The following LHPP variants were observed in gnomAD, a reference collection of about 807,000 sequenced individuals.
LHPP encodes hLHPP.
A neutral mutation model predicts 30.3 loss-of-function variants in LHPP; 24 were observed. The ratio of observed to expected loss-of-function variants is 0.79; its 90% CI spans 0.57 to 1.11. LHPP has a LOEUF of 1.11. Among genes scored for constraint, LHPP ranks in the 50% most tolerant of loss-of-function variants. The pLI, the probability that LHPP is intolerant of heterozygous loss-of-function variation, is 0.00. For missense variants in LHPP, 356 were observed against 367.2 expected, an observed-to-expected ratio of 0.97 and a Z score of 0.25; for synonymous variants, 150 against 157.1, an observed-to-expected ratio of 0.95 and a Z score of 0.34.
intron 6 of LHPP, among the ~76,000 whole-genome samples, chr10:124,609,442 C>T (rs1259941503): frequency 6.6e-6 from 1 of 152,172 alleles, no homozygotes; most frequent in African/African-American, 2.4e-5. Context: ...TAGGGTTTCA[C>T]CATGTTGCCC....
intron 6 of LHPP, among the ~76,000 whole-genome samples, chr10:124,544,755 C>T (rs1955292297): frequency 6.6e-6 from 1 of 152,236 alleles, no homozygotes; most frequent in Non-Finnish European, 1.5e-5. Flanking sequence ...CTGCCCCCGT[C>T]ACGGGACCTC....
At chr10:124,547,314 T>A (rs148145373) in intron 6 of LHPP, among the ~76,000 whole-genome samples, 120 of 152,332 alleles carry the variant, frequency 7.9e-4, no homozygotes, top group African/African-American at 2.6e-3. Context: ...ACAAAAAAAA[T>A]TGCTTTCTTA....
At chr10:124,528,195 A>G (rs1439578448) in intron 6 of LHPP, among the ~76,000 whole-genome samples, 2 of 152,118 alleles carry the variant, frequency 1.3e-5, no homozygotes, top group Non-Finnish European at 2.9e-5. Context: ...CCCGTATGGC[A>G]TATTTCCCTA....
At chr10:124,534,721 C>T (rs979432878) in intron 6 of LHPP, among the ~76,000 whole-genome samples, 3 of 152,162 alleles carry the variant, frequency 2.0e-5, no homozygotes, top group Non-Finnish European at 4.4e-5. Context: ...TATGCGCTCT[C>T]GGGGCTTCGG....
At chr10:124,531,244 G>T (rs1477269821) in intron 6 of LHPP, among the ~76,000 whole-genome samples, 1 of 152,172 alleles carries the variant, frequency 6.6e-6, no homozygotes, top group Non-Finnish European at 1.5e-5. Flanking sequence ...CCGTCTCAAG[G>T]TCATGTGCTA....
intron 5 of LHPP, among the ~76,000 whole-genome samples, chr10:124,516,757 T>C (rs1954464838): frequency 6.6e-6 from 1 of 152,192 alleles, no homozygotes; most frequent in Admixed American, 6.5e-5. Context: ...GCAAAACCTA[T>C]ATAAAGCAAA....
intron 5 of LHPP, among the ~76,000 whole-genome samples, chr10:124,505,816 C>G (rs566718045): frequency 6.6e-6 from 1 of 152,254 alleles, no homozygotes; most frequent in South Asian, 2.1e-4. Flanking sequence ...TGAGACTGTT[C>G]AAACCAGAGC....
At position 124,471,238 on chromosome 10, in the gene LHPP, G is replaced by T. The variant is rs528447450; in HGVS notation, c.125+9251G>T. ...TGCCCCATCACTCTTGAATGCCACC[G>T]CCCCACCATTGCCCAAGGCATGTGT... On this transcript the variant is annotated intron_variant, in intron 1 of 6. Coordinates refer to ENST00000368842, the MANE Select transcript of LHPP (RefSeq NM_022126.4). Among the ~76,000 whole-genome samples, 92 of 150,790 alleles carry T rather than the reference G, an allele frequency of 6.1e-4. 1 individual carries two copies. The highest frequency in any genetic ancestry group is 2.1e-3 in the African/African-American group (85 of 41,038).
At position 124,590,158 on chromosome 10, in the gene LHPP, GTC is replaced by G. The variant is rs775757554; in HGVS notation, c.717-23095_717-23094del. 1.6e-4 allele frequency among the ~76,000 whole-genome samples: 24 copies of G among 152,134 alleles called. No homozygotes were observed. The highest frequency in any genetic ancestry group is 2.8e-4 in the Non-Finnish European group (19 of 67,996). On this transcript the variant is annotated intron_variant, in intron 6 of 6. Transcript: ENST00000368842. The surrounding 1 kb of genome is among the most constrained non-coding windows in gnomAD (Gnocchi z 4.3). ...TGACGTCCTCCCTCTCCCAATCCCT[GTC>G]TCTCTCTCTCCTTCCACAGCCACAT...
intron 6 of LHPP, among the ~76,000 whole-genome samples, chr10:124,555,972 C>T (rs936027948): frequency 6.6e-6 from 1 of 152,142 alleles, no homozygotes; most frequent in Non-Finnish European, 1.5e-5. Flanking sequence ...AGGCTGGGCC[C>T]TAGCTGGTTG....
intron 6 of LHPP, among the ~76,000 whole-genome samples, chr10:124,534,601 G>A (rs560923616): frequency 5.5e-4 from 84 of 152,354 alleles, no homozygotes; most frequent in Non-Finnish European, 1.0e-3. Context: ...CTGTAAAAGC[G>A]GATCACGTGA....
Position 124,517,542 on chromosome 10 carries a change from C to T in LHPP, c.716+271C>T, listed in dbSNP as rs1302329099. 1.3e-5 allele frequency among the ~76,000 whole-genome samples: 2 copies of T among 152,104 alleles called. No homozygotes were observed. The highest frequency in any genetic ancestry group is 4.8e-5 in the African/African-American group (2 of 41,412). Reference sequence around the variant, plus strand: ...AGAAATAAGCAAAGGCACTATCCATCCTGGCGGCGGCCCACCAGGGAGTTG... The same window carrying T: ...AGAAATAAGCAAAGGCACTATCCATTCTGGCGGCGGCCCACCAGGGAGTTG... On this transcript the variant is annotated intron_variant, in intron 6 of 6. Coordinates refer to ENST00000368842, the MANE Select transcript of LHPP (RefSeq NM_022126.4). This position sits in a 1 kb window ranked among gnomAD's most constrained non-coding sequence, Gnocchi z 4.1.
chr10:124,610,130 T>C (rs1949151027), intron 6 of LHPP, among the ~76,000 whole-genome samples: 1 of 152,180 alleles, frequency 6.6e-6, no homozygotes, highest in South Asian at 2.1e-4. Context: ...TGACGCAGGA[T>C]TGCGTGGTGC....
intron 6 of LHPP, among the ~76,000 whole-genome samples, chr10:124,546,657 G>A (rs879473052): frequency 7.2e-5 from 11 of 152,004 alleles, no homozygotes; most frequent in South Asian, 4.2e-4. Context: ...TGATCCGCCC[G>A]CCTCAGCCTC....
intron 6 of LHPP, among the ~76,000 whole-genome samples, chr10:124,557,754 A>T (rs1016510595): frequency 6.6e-6 from 1 of 152,048 alleles, no homozygotes; most frequent in East Asian, 1.9e-4. Context: ...AAGGCTGGCC[A>T]AGCAGGGTAC....
At chr10:124,462,791 G>C (rs973332214) in intron 1 of LHPP, among the ~76,000 whole-genome samples, 1 of 151,898 alleles carries the variant, frequency 6.6e-6, no homozygotes, top group Non-Finnish European at 1.5e-5. Flanking sequence ...TCCGCCTCCC[G>C]GGTGCAAGTG....
rs1392360628 is a variant in LHPP, at chr10:124,576,969, C to T, written c.717-36295C>T. On this transcript the variant is annotated intron_variant, in intron 6 of 6. Transcript: ENST00000368842. The surrounding 1 kb of genome is among the most constrained non-coding windows in gnomAD (Gnocchi z 4.2). The stretch of plus-strand genomic sequence containing the variant: ...CATTGCTCCGCCCTCTCAACAGCCA[C>T]GACCCAGAAATAAAGTAGGCACTGT... Among the ~76,000 whole-genome samples, 1 of 152,166 alleles carries T rather than the reference C, an allele frequency of 6.6e-6. No homozygotes were observed. The highest frequency in any genetic ancestry group is 1.5e-5 in the Non-Finnish European group (1 of 68,032).
intron 6 of LHPP, among the ~76,000 whole-genome samples, chr10:124,528,149 C>T (rs1157221385): frequency 4.6e-5 from 7 of 152,148 alleles, no homozygotes; most frequent in Non-Finnish European, 8.8e-5. Flanking sequence ...GGGTTAAGCT[C>T]GGCCCCTAGA....
At chr10:124,571,458 TAC>T (rs1465205939) in intron 6 of LHPP, among the ~76,000 whole-genome samples, 1 of 152,224 alleles carries the variant, frequency 6.6e-6, no homozygotes, top group Non-Finnish European at 1.5e-5. Flanking sequence ...GAAATTTACC[TAC>T]CAAACAACAT....
Sources: gnomAD v4.1 joint callset for allele counts (sites outside exome capture counted in the v4.1 genomes callset) on GRCh38, gnomAD v4.1.1 for gene constraint, Gnocchi (gnomAD v3.1) non-coding constraint, MANE v1.5 for transcripts, NCBI Gene and HGNC (gene_info 2026-07-23, HGNC 2026-07-21) for gene names.